CPD: variants seen among roughly 807,000 people sequenced by gnomAD.
CPD encodes carboxypeptidase D.
A neutral mutation model predicts 138.3 loss-of-function variants in CPD; 69 were observed. The observed-to-expected ratio is 0.50, with a 90% CI of 0.41 to 0.61. The LOEUF is 0.61. Ranked by LOEUF, CPD falls within the 20% of genes least tolerant of loss-of-function variation. CPD has a pLI of 0.00. For synonymous variants in CPD, 651 were observed against 642.1 expected (o/e 1.01, Z -0.21); for missense variants, 1,432 against 1,733.3 (o/e 0.83, Z 3.09).
chr17:30,449,602 A>T lies in CPD; in HGVS notation c.2923A>T (p.Asn975Tyr), dbSNP rs1352102530. The T allele has an allele frequency of 6.2e-7, 1 of 1,605,872 alleles. No individual in the cohort carries two copies. Among genetic ancestry groups the T allele is most frequent in the Non-Finnish European group, 8.5e-7 (1 of 1,178,082 alleles). ...YRHIWSLEIS[N>Y]KPNVSEPEEP... ...TCACATTTGGTCCCTTGAAATCTCC[A>T]ATAAGCCCAATGTATCTGAGCCTGA... Residue 975 changes from asparagine to tyrosine, a missense_variant, in exon 13 of 21, where the codon AAT becomes TAT. Asn to Tyr is a moderately radical substitution (Grantham distance 143). Around this residue, in one of 6 missense-constraint regions of CPD, gnomAD observed 366 missense variants for 518.8 expected, o/e 0.71. Transcript: ENST00000225719.
At chr17:30,443,995 T>C (rs762800200) in intron 11 of CPD, 24 bp downstream of exon 11, 2 of 1,611,828 alleles carry the variant, frequency 1.2e-6, no homozygotes, top group Admixed American at 3.3e-5. Context: ...TGCTTTGAAA[T>C]AGAGTGCTCG....
chr17:30,436,117 C>T (rs555336315), intron 8 of CPD, among the ~76,000 whole-genome samples: 12 of 152,238 alleles, frequency 7.9e-5, no homozygotes, highest in Admixed American at 5.2e-4. Context: ...GAGGACACAA[C>T]TCAATCCATA....
intron 2 of CPD, among the ~76,000 whole-genome samples, chr17:30,398,337 A>C (rs1354820304): frequency 1.3e-5 from 2 of 152,206 alleles, no homozygotes; most frequent in African/African-American, 2.4e-5. Context: ...TTATACTATT[A>C]AAGTGCTTTA....
At chr17:30,453,665 G>C (rs1214399867) in intron 14 of CPD, among the ~76,000 whole-genome samples, 1 of 152,232 alleles carries the variant, frequency 6.6e-6, no homozygotes, top group Non-Finnish European at 1.5e-5. Flanking sequence ...TAGGGACTCT[G>C]TGTGGGGGCT....
Position 30,408,905 on chromosome 17 carries a change from T to TGCAGTATTCAAAAAAACTGGC in CPD, c.995-11935_995-11915dup, listed in dbSNP as rs1911880711. Among the ~76,000 whole-genome samples, 3 of 152,220 alleles carry TGCAGTATTCAAAAAAACTGGC rather than the reference T, an allele frequency of 2.0e-5. No individual in the cohort carries two copies. In the South Asian group the frequency reaches 6.2e-4, roughly 32 times the overall value. ...TGTGCCAGTTTTCAAAGGGAATGCT[T>TGCAGTATTCAAAAAAACTGGC]GCAGTATTCAAAAAAACTGGCACAG... On this transcript the variant is annotated intron_variant, in intron 2 of 20. Coordinates refer to ENST00000225719, the MANE Select transcript of CPD (RefSeq NM_001304.5).
Position 30,422,451 on chromosome 17 carries a change from T to A in CPD, c.1308-223T>A, listed in dbSNP as rs56289605. ...AATTTTTTTGGTATACATTCTAGTG[T>A]GTGGTACTTGAGAAGATTTGGTGAG... On this transcript the variant is annotated intron_variant, in intron 4 of 20. Transcript: ENST00000225719. 6.2e-3 allele frequency among the ~76,000 whole-genome samples: 948 copies of A among 152,312 alleles called. 11 individuals are homozygous for A. Among genetic ancestry groups the A allele is most frequent in the African/African-American group, 0.022 (915 of 41,564 alleles).
intron 2 of CPD, among the ~76,000 whole-genome samples, chr17:30,415,717 A>G (rs1912087381): frequency 6.6e-6 from 1 of 152,250 alleles, no homozygotes; most frequent in Non-Finnish European, 1.5e-5. Flanking sequence ...ATTCACAATT[A>G]CCAAGAGGTG....
intron 2 of CPD, among the ~76,000 whole-genome samples, chr17:30,396,947 ATC>A (rs971314707): frequency 6.6e-6 from 1 of 151,570 alleles, no homozygotes; most frequent in African/African-American, 2.4e-5. Context: ...TGGAGGTTCT[ATC>A]TCATATTCTC....
chr17:30,443,156 C>T (rs1230261501), intron 10 of CPD, among the ~76,000 whole-genome samples: 5 of 152,034 alleles, frequency 3.3e-5, no homozygotes, highest in South Asian at 2.1e-4. Context: ...ATTTTATTTA[C>T]ACACTCACAT....
chr17:30,455,283 TACTC>T, intron 14 of CPD, 52 bp from the exon 15 acceptor site: 1 of 1,360,346 alleles, frequency 7.4e-7, no homozygotes, highest in South Asian at 1.4e-5. Context: ...TTTTCTTAGA[TACTC>T]ATACTAAGAT....
At chr17:30,451,612 CTA>C (rs764147834) in intron 13 of CPD, 97 bp from the exon 14 acceptor site, 32 of 1,016,612 alleles carry the variant, frequency 3.1e-5, no homozygotes, top group Admixed American at 1.8e-4. Context: ...TTTAAATTAA[CTA>C]TGTGTAGAAT....
intron 17 of CPD, among the ~76,000 whole-genome samples, chr17:30,460,086 T>C (rs1913427999): frequency 6.6e-6 from 1 of 152,212 alleles, no homozygotes; most frequent in African/African-American, 2.4e-5. Flanking sequence ...CCGTGAGAAA[T>C]TAAAGACACA....
chr17:30,420,459 G>A (rs1022688566), intron 2 of CPD, among the ~76,000 whole-genome samples: 4 of 152,100 alleles, frequency 2.6e-5, no homozygotes, highest in Non-Finnish European at 5.9e-5. Context: ...GGATGAAATA[G>A]TAGTATCTGC....
chr17:30,453,157 A>G (rs1913208365), intron 14 of CPD, among the ~76,000 whole-genome samples: 1 of 152,144 alleles, frequency 6.6e-6, no homozygotes, highest in Admixed American at 6.5e-5. Flanking sequence ...TGCCTTCCCA[A>G]CAGTCCCCCA....
At chr17:30,423,906 C>T (rs907881745) in intron 6 of CPD, among the ~76,000 whole-genome samples, 3 of 152,018 alleles carry the variant, frequency 2.0e-5, no homozygotes, top group South Asian at 4.1e-4. Flanking sequence ...GTGGTGTCTT[C>T]CACTTGGTAA....
intron 2 of CPD, among the ~76,000 whole-genome samples, chr17:30,415,623 AAAG>A (rs1912084241): frequency 6.6e-6 from 1 of 152,216 alleles, no homozygotes. Flanking sequence ...ACATTTCTCT[AAAG>A]AAGATATACA....
At chr17:30,408,570 T>C (rs1362965923) in intron 2 of CPD, among the ~76,000 whole-genome samples, 1 of 152,240 alleles carries the variant, frequency 6.6e-6, no homozygotes, top group Non-Finnish European at 1.5e-5. Context: ...TTTGTAGCAA[T>C]TGTGAATGGG....
At chr17:30,402,212 C>T (rs1315959934) in intron 2 of CPD, among the ~76,000 whole-genome samples, 2 of 151,882 alleles carry the variant, frequency 1.3e-5, no homozygotes, top group Non-Finnish European at 2.9e-5. Flanking sequence ...TCTGAAATTT[C>T]TACTTTTTTC....
intron 15 of CPD, chr17:30,455,726 A>G: frequency 2.7e-6 from 1 of 371,540 alleles, no homozygotes; most frequent in East Asian, 4.8e-5. Context: ...TTTACTGAGC[A>G]ATTATTATGT....
Sources: gnomAD v4.1 joint callset for allele counts (sites outside exome capture counted in the v4.1 genomes callset) on GRCh38, gnomAD v4.1.1 for gene constraint, gnomAD v4.1.1 regional missense constraint, MANE v1.5 for transcripts, NCBI Gene and HGNC (gene_info 2026-07-23, HGNC 2026-07-21) for gene names.